Variants in TMEM220 observed in about 807,000 individuals in gnomAD.
The protein encoded by TMEM220 is transmembrane protein 220.
In TMEM220, 21 loss-of-function variants were observed where a neutral mutation model predicts 21.7. The observed-to-expected ratio is 0.97, with a 90% CI of 0.69 to 1.39. The LOEUF (loss-of-function observed/expected upper bound fraction) is 1.39. Among genes scored for constraint, TMEM220 ranks in the 40% most tolerant of loss-of-function variants. The pLI is 0.00. For missense variants in TMEM220, 191 were observed against 201.9 expected (o/e 0.95, Z 0.33); for synonymous variants, 80 against 73.6 (o/e 1.09, Z -0.45).
intron 2 of TMEM220, 178 bp from the exon 3 acceptor site, chr17:10,726,442 C>T (rs449001): frequency 0.47 from 291,152 of 619,766 alleles, 70,177 homozygotes; most frequent in African/African-American, 0.66. Context: ...GCACTTAGCA[C>T]GTCTGCCTGC....
chr17:10,717,731 AT>A (rs1274450905), intron 5 of TMEM220, among the ~76,000 whole-genome samples: 3 of 151,612 alleles, frequency 2.0e-5, no homozygotes, highest in East Asian at 1.9e-4. Flanking sequence ...AGTTGGTATT[AT>A]TTTTTTCCTT....
chr17:10,721,604 CAAAAAAAAAAAAAAAGA>C (rs1341356039), intron 5 of TMEM220, among the ~76,000 whole-genome samples: 1 of 35,836 alleles, frequency 2.8e-5, no homozygotes, highest in African/African-American at 1.4e-4. Flanking sequence ...GACTCTGTCT[CAAAAAAAAAAAAAAAGA>C]AAAAAAGAAA....
chr17:10,717,636 T>G (rs2074938453), intron 5 of TMEM220, among the ~76,000 whole-genome samples: 1 of 152,228 alleles, frequency 6.6e-6, no homozygotes, highest in Non-Finnish European at 1.5e-5. Flanking sequence ...TTTGTCATGT[T>G]CTTGTCAAGT....
downstream of TMEM220, among the ~76,000 whole-genome samples, chr17:10,712,755 C>T (rs7213409): frequency 7.7e-3 from 1,176 of 152,254 alleles, 18 homozygotes; most frequent in African/African-American, 0.027. Context: ...TGACGATTCA[C>T]CAGAAAGGTG....
chr17:10,713,037 G>A (rs532787442), downstream of TMEM220, among the ~76,000 whole-genome samples: 3 of 152,248 alleles, frequency 2.0e-5, no homozygotes, highest in Non-Finnish European at 2.9e-5. Context: ...TTGGGAGGCC[G>A]AGGTGGGTGG....
chr17:10,728,858 G>C (rs550704046), intron 2 of TMEM220, among the ~76,000 whole-genome samples, 173 bp downstream of exon 2: 1 of 152,274 alleles, frequency 6.6e-6, no homozygotes, highest in South Asian at 2.1e-4. Context: ...CATTACATTA[G>C]AACTCTGATC....
chr17:10,716,034 A>G (rs75468999), intron 5 of TMEM220: 9,000 of 531,236 alleles, frequency 0.017, 372 homozygotes, highest in East Asian at 0.13. Flanking sequence ...GTAATTAAAA[A>G]CTACTCCCAC....
chr17:10,720,229 C>T (rs886457983), intron 5 of TMEM220, among the ~76,000 whole-genome samples: 2 of 152,260 alleles, frequency 1.3e-5, no homozygotes, highest in East Asian at 3.9e-4. Context: ...CAAAGACACA[C>T]TGGTAAAAAT....
downstream of TMEM220, among the ~76,000 whole-genome samples, chr17:10,712,917 C>T (rs542565248): frequency 2.6e-5 from 4 of 152,132 alleles, no homozygotes; most frequent in South Asian, 2.1e-4. Context: ...CTGGGGAATA[C>T]GTGATTAGAT....
At chr17:10,722,589 A>G (rs1463196528) in intron 5 of TMEM220, among the ~76,000 whole-genome samples, 3 of 152,202 alleles carry the variant, frequency 2.0e-5, no homozygotes, top group Admixed American at 6.5e-5. Context: ...GGACCTTAGA[A>G]TGCTTAAACT....
chr17:10,714,301 T>C lies in TMEM220; in HGVS notation c.*1152A>G, dbSNP rs1310260677. ...TATCATAAAATTTGCAATTGGAAAATTAGATTCAAATACCCAAGTTGTTCC... is the reference window on the plus strand; with the variant it reads ...TATCATAAAATTTGCAATTGGAAAACTAGATTCAAATACCCAAGTTGTTCC... On this transcript the variant is annotated 3_prime_UTR_variant, in exon 6 of 6. Coordinates refer to ENST00000341871, the MANE Select transcript of TMEM220 (RefSeq NM_001004313.3). The C allele has an allele frequency of 6.6e-6, 1 of 152,056 alleles. No homozygotes were observed. The highest frequency in any genetic ancestry group is 1.5e-5 in the Non-Finnish European group (1 of 67,994). 9.4% of individuals were successfully genotyped at this position (152,056 alleles called of 1,614,324 possible).
chr17:10,715,446 AATTT>A lies in TMEM220; in HGVS notation c.*3_*6del, dbSNP rs1567583843. On this transcript the variant is annotated 3_prime_UTR_variant, in exon 6 of 6. Transcript: ENST00000341871. ...ATTCATTTTAAAAACGAAGTTCTTG[AATTT>A]ATTTAAATTACTGTCTTGCAGTGAG... The A allele has an allele frequency of 2.5e-6, 4 of 1,579,982 alleles. No homozygotes were observed. The highest frequency in any genetic ancestry group is 2.6e-6 in the Non-Finnish European group (3 of 1,172,312).
intron 5 of TMEM220, among the ~76,000 whole-genome samples, chr17:10,718,683 CTTT>C (rs1181658672): frequency 6.6e-6 from 1 of 152,152 alleles, no homozygotes; most frequent in Admixed American, 6.5e-5. Flanking sequence ...GTGATTTCTT[CTTT>C]GACCCAAGTG....
chr17:10,716,740 T>C (rs770219615), intron 5 of TMEM220, among the ~76,000 whole-genome samples: 8 of 152,226 alleles, frequency 5.3e-5, no homozygotes, highest in Non-Finnish European at 1.2e-4. Context: ...TGAAGTACCA[T>C]CTTTGCCATA....
intron 2 of TMEM220, among the ~76,000 whole-genome samples, chr17:10,728,300 CTTTTT>C (rs952367756): frequency 7.3e-6 from 1 of 136,354 alleles, no homozygotes; most frequent in African/African-American, 2.8e-5. Flanking sequence ...TTTTTTTTTT[CTTTTT>C]TTTCTTTGCT....
chr17:10,715,700 GTTGT>G (rs1181044599), intron 5 of TMEM220, 112 bp from the exon 6 acceptor site: 16 of 725,788 alleles, frequency 2.2e-5, no homozygotes, highest in Non-Finnish European at 3.3e-5. Context: ...TCTCATCTCA[GTTGT>G]TTTATTGAAA....
chr17:10,725,209 T>C lies in TMEM220; in HGVS notation c.164-75A>G, dbSNP rs2075036352. ...AAAAAAAAAATGATCTTTTTGTATG[T>C]TTTGCCATAGTCTGCTTTCAGAAAA... On this transcript the variant is annotated intron_variant, in intron 3 of 5. Coordinates refer to ENST00000341871, the MANE Select transcript of TMEM220 (RefSeq NM_001004313.3). 5.7e-6 allele frequency: 9 copies of C among 1,582,068 alleles called. No homozygotes were observed. The South Asian group carries it at 1.0e-4, about 18-fold the overall frequency.
chr17:10,729,707 G>T lies in TMEM220; in HGVS notation c.72+73C>A, dbSNP rs962202449. On this transcript the variant is annotated intron_variant, in intron 1 of 5. Coordinates refer to ENST00000341871, the MANE Select transcript of TMEM220 (RefSeq NM_001004313.3). ...CCCCTGCGACTCTGCCCGCTAGTCA[G>T]TTACACGGCCCGCTAGGCCAGGGGG... 3.9e-6 allele frequency: 5 copies of T among 1,267,204 alleles called. No individual in the cohort carries two copies. The East Asian group carries it at 1.2e-4, about 32-fold the overall frequency. 78.5% of individuals were successfully genotyped at this position (1,267,204 alleles called of 1,614,324 possible). A position where few individuals can be genotyped will look rare whatever the true frequency, so the allele number is the denominator to read the frequency against.
chr17:10,711,222 CATT>C (rs1262883764), downstream of TMEM220: 8 of 1,155,382 alleles, frequency 6.9e-6, no homozygotes, highest in Non-Finnish European at 9.7e-6. Flanking sequence ...TCCTCTGTCT[CATT>C]GTTTAGTATT....
Sources: gnomAD v4.1 joint callset for allele counts (sites outside exome capture counted in the v4.1 genomes callset) on GRCh38, gnomAD v4.1.1 for gene constraint, MANE v1.5 for transcripts, NCBI Gene and HGNC (gene_info 2026-07-23, HGNC 2026-07-21) for gene names.